CSMD1: variants seen among roughly 807,000 people sequenced by gnomAD.
The protein encoded by CSMD1 is CUB and Sushi multiple domains 1.
Under a neutral mutation model 417.5 loss-of-function variants are expected in CSMD1, and 213 were observed. The ratio of observed to expected loss-of-function variants is 0.51; its 90% confidence interval spans 0.46 to 0.57. The LOEUF (loss-of-function observed/expected upper bound fraction) is 0.57. Ranked by LOEUF, CSMD1 falls within the 20% of genes least tolerant of loss-of-function variation. The pLI is 0.00. For missense variants in CSMD1, 6,923 were observed against 4,529.7 expected, an observed-to-expected ratio of 1.53 and a Z score of -15.17; for synonymous variants, 2,862 against 1,736.8, an observed-to-expected ratio of 1.65 and a Z score of -16.11.
chr8:4,217,271 G>C (rs960266169), intron 3 of CSMD1, among the ~76,000 whole-genome samples: 12 of 152,180 alleles, frequency 7.9e-5, no homozygotes, highest in African/African-American at 2.9e-4. Flanking sequence ...ATTTGCAGAA[G>C]TCTTTCATAT....
At position 4,811,452 on chromosome 8, in the gene CSMD1, T is replaced by C. The variant is rs543555061; in HGVS notation, c.86-173894A>G. 3.0e-3 allele frequency among the ~76,000 whole-genome samples: 457 copies of C among 152,290 alleles called. 3 individuals are homozygous for C. The highest frequency in any genetic ancestry group is 0.014 in the Middle Eastern group (4 of 294). ...TGTTGCTATTTGATTATTTTTGTTC[T>C]AGAAGAATACAACTTCAAAAAATAC... On this transcript the variant is annotated intron_variant, in intron 1 of 69. Transcript: ENST00000635120.
chr8:3,562,696 G>GA (rs200407536), intron 10 of CSMD1, among the ~76,000 whole-genome samples: 2 of 150,928 alleles, frequency 1.3e-5, no homozygotes, highest in Non-Finnish European at 3.0e-5. Context: ...AGTTAATAAT[G>GA]AAAAAAAATC....
chr8:3,507,714 G>T (rs1012062743), intron 10 of CSMD1, among the ~76,000 whole-genome samples: 2 of 152,166 alleles, frequency 1.3e-5, no homozygotes, highest in Non-Finnish European at 2.9e-5. Flanking sequence ...GTATGAGATG[G>T]TATCTCACTG....
chr8:3,870,387 C>T (rs1056548095), intron 5 of CSMD1, among the ~76,000 whole-genome samples: 18 of 151,950 alleles, frequency 1.2e-4, no homozygotes, highest in African/African-American at 4.1e-4. Context: ...CCTCTTTTTT[C>T]CCCCAGCTAT....
chr8:2,974,707 T>C (rs1804771946), intron 55 of CSMD1, 83 bp from the exon 56 acceptor site: 5 of 953,204 alleles, frequency 5.2e-6, no homozygotes, highest in African/African-American at 1.7e-5. Flanking sequence ...CAGACACCCA[T>C]ACTGACATCA....
At chr8:4,913,833 G>C (rs1359436026) in intron 1 of CSMD1, among the ~76,000 whole-genome samples, 2 of 152,178 alleles carry the variant, frequency 1.3e-5, no homozygotes, top group Admixed American at 1.3e-4. Flanking sequence ...ATAACCAGAA[G>C]AGCTTCTCCA....
chr8:4,180,909 T>C (rs1465472794), intron 3 of CSMD1, among the ~76,000 whole-genome samples: 1 of 152,164 alleles, frequency 6.6e-6, no homozygotes, highest in Non-Finnish European at 1.5e-5. Context: ...TATTTATTTC[T>C]AAATTTTCAA....
intron 3 of CSMD1, among the ~76,000 whole-genome samples, chr8:4,128,818 A>C (rs575976235): frequency 6.6e-6 from 1 of 152,122 alleles, no homozygotes; most frequent in African/African-American, 2.4e-5. Context: ...CAAGTAGGGT[A>C]AGTTTCGGGA....
At chr8:4,272,664 C>T (rs1364488823) in intron 3 of CSMD1, among the ~76,000 whole-genome samples, 4 of 152,082 alleles carry the variant, frequency 2.6e-5, no homozygotes, top group African/African-American at 7.2e-5. Flanking sequence ...CACTCCAAAC[C>T]GACTGTAGAT....
At chr8:3,302,711 T>C (rs1032041291) in intron 25 of CSMD1, among the ~76,000 whole-genome samples, 2 of 152,222 alleles carry the variant, frequency 1.3e-5, no homozygotes, top group African/African-American at 2.4e-5. Context: ...CCAGTGATGA[T>C]GATGTGCCTC....
At position 3,055,231 on chromosome 8, in the gene CSMD1, C is replaced by T. The variant is rs535048647; in HGVS notation, c.7475-2584G>A. ...CCAAAGCAGAAGATCTTTATAGCCC[C>T]TTCTGTTACATCTGGATGCTTATTT... On this transcript the variant is annotated intron_variant, in intron 49 of 69. Transcript: ENST00000635120. Among the ~76,000 whole-genome samples the T allele has an allele frequency of 1.1e-4, 16 of 152,304 alleles. No individual in the cohort carries two copies. The South Asian group carries it at 2.9e-3, about 28-fold the overall frequency.
Position 2,937,640 on chromosome 8 carries a change from G to C in CSMD1, c.*945C>G, listed in dbSNP as rs1356157173. 6.6e-6 allele frequency: 1 copy of C among 152,192 alleles called. No individual in the cohort carries two copies. Among genetic ancestry groups the C allele is most frequent in the East Asian group, 1.9e-4 (1 of 5,186 alleles). 9.4% of individuals were successfully genotyped at this position (152,192 alleles called of 1,614,324 possible). A position where few individuals can be genotyped will look rare whatever the true frequency, so the allele number is the denominator to read the frequency against. ...GGATGGTACTAAAGGAGGAAAACGT[G>C]TGAAATAAGGAGGCTTCTGTTTTTT... On this transcript the variant is annotated 3_prime_UTR_variant, in exon 70 of 70. Coordinates refer to ENST00000635120, the MANE Select transcript of CSMD1 (RefSeq NM_033225.6).
chr8:4,729,398 G>GA, intron 1 of CSMD1, among the ~76,000 whole-genome samples: 1 of 152,240 alleles, frequency 6.6e-6, no homozygotes, highest in Middle Eastern at 3.4e-3. Flanking sequence ...TGAAAAAAGG[G>GA]GAAAAATAAA....
intron 3 of CSMD1, among the ~76,000 whole-genome samples, chr8:4,262,924 A>G (rs2128843184): frequency 6.6e-6 from 1 of 152,318 alleles, no homozygotes; most frequent in Non-Finnish European, 1.5e-5. Context: ...ATTAATGATG[A>G]ACCATAAGAA....
chr8:3,728,238 T>A lies in CSMD1; in HGVS notation c.932-19747A>T, dbSNP rs1203928883. Among the ~76,000 whole-genome samples, 3 of 152,142 alleles carry A rather than the reference T, an allele frequency of 2.0e-5. No homozygotes were observed. In the East Asian group the frequency reaches 5.8e-4, roughly 29 times the overall value. On this transcript the variant is annotated intron_variant, in intron 6 of 69. Transcript: ENST00000635120. ...TGATGGTTTTACAAAGGGAAACCCC[T>A]TTCTCTTGGTTCTTATTCTCTCTTT...
At chr8:4,109,405 G>C (rs1351446220) in intron 3 of CSMD1, among the ~76,000 whole-genome samples, 2 of 152,042 alleles carry the variant, frequency 1.3e-5, no homozygotes, top group Non-Finnish European at 2.9e-5. Context: ...CAAAAATAAA[G>C]AATCTTAATC....
rs144818295 is a variant in CSMD1, at chr8:3,538,146, T to A, written c.1344+36799A>T. Among the ~76,000 whole-genome samples the A allele has an allele frequency of 3.1e-4, 47 of 152,344 alleles. 1 individual carries two copies. Among genetic ancestry groups the A allele is most frequent in the East Asian group, 1.5e-3 (8 of 5,182 alleles). ...ACGATTGCACATGGACTTCTAGATT[T>A]ACATCTTTACTTGAAAAATTACATG... On this transcript the variant is annotated intron_variant, in intron 10 of 69. Coordinates refer to ENST00000635120, the MANE Select transcript of CSMD1 (RefSeq NM_033225.6).
At chr8:4,453,977 G>T (rs7834471) in intron 2 of CSMD1, among the ~76,000 whole-genome samples, 3 of 150,546 alleles carry the variant, frequency 2.0e-5, no homozygotes, top group Non-Finnish European at 4.4e-5. Flanking sequence ...GCCCGCCACC[G>T]CGCCCGGCTA....
intron 5 of CSMD1, among the ~76,000 whole-genome samples, chr8:3,901,448 G>A (rs1370910851): frequency 2.6e-5 from 4 of 152,098 alleles, no homozygotes; most frequent in African/African-American, 4.8e-5. Flanking sequence ...TTACTCTAAT[G>A]ACTTCAAATT....
Sources: allele counts gnomAD v4.1 joint callset (sites outside exome capture counted in the v4.1 genomes callset), GRCh38; gene constraint gnomAD v4.1.1; transcripts MANE v1.5; gene names NCBI Gene and HGNC (gene_info 2026-07-23, HGNC 2026-07-21).